The following CSMD1 variants were observed in gnomAD, a reference collection of about 807,000 sequenced individuals.
CSMD1 encodes the protein CUB and Sushi multiple domains 1.
A neutral mutation model predicts 417.5 loss-of-function variants in CSMD1; 213 were observed. The ratio of observed to expected loss-of-function variants is 0.51; its 90% CI spans 0.46 to 0.57. The LOEUF is 0.57. Among genes scored for constraint, CSMD1 ranks in the 20% least tolerant of loss-of-function variants. The pLI is 0.00. For missense variants in CSMD1, 6,923 were observed against 4,529.7 expected (o/e 1.53, Z -15.17); for synonymous variants, 2,862 against 1,736.8 (o/e 1.65, Z -16.11).
At chr8:4,435,587 T>C (rs1798104741) in intron 2 of CSMD1, among the ~76,000 whole-genome samples, 1 of 152,174 alleles carries the variant, frequency 6.6e-6, no homozygotes, top group Admixed American at 6.5e-5. Context: ...CCAGGAATCA[T>C]GGAATCTGCT....
rs1403118496 is a variant in CSMD1 at position 3,396,276 on chromosome 8, G to A, written c.2511C>T (p.Leu837=). The A allele has an allele frequency of 1.3e-6, 2 of 1,597,602 alleles. No homozygotes were observed. Among genetic ancestry groups the A allele is most frequent in the African/African-American group, 2.7e-5 (2 of 74,836 alleles). ...EYHGTQAPQF[L]ISTGNFMYLL... is the part of the protein sequence containing the mutation. ...GGTACATGAAGTTCCCGGTGCTGAT[G>A]AGGAACTGGGGTGCCTGGGTGCCGT... The change falls in exon 17 of 70, where the codon CTC becomes CTT. Residue 837 remains leucine (L), a synonymous_variant. Transcript: ENST00000635120.
intron 49 of CSMD1, among the ~76,000 whole-genome samples, chr8:3,081,698 C>T (rs1025934731): frequency 6.6e-6 from 1 of 152,074 alleles, no homozygotes; most frequent in African/African-American, 2.4e-5. Context: ...GGTAGAGCTG[C>T]CTAGTTTGAA....
chr8:3,618,112 C>G (rs1035706236), intron 7 of CSMD1, among the ~76,000 whole-genome samples: 1 of 152,036 alleles, frequency 6.6e-6, no homozygotes, highest in African/African-American at 2.4e-5. Flanking sequence ...AGCGATACTC[C>G]CGTCTCAGCC....
intron 3 of CSMD1, among the ~76,000 whole-genome samples, chr8:4,040,604 T>C (rs895653758): frequency 7.2e-5 from 11 of 152,118 alleles, no homozygotes; most frequent in South Asian, 2.1e-4. Flanking sequence ...CATATATGGA[T>C]TGGGGAGACT....
chr8:4,506,894 T>C (rs1302826066), intron 2 of CSMD1, among the ~76,000 whole-genome samples: 2 of 152,200 alleles, frequency 1.3e-5, no homozygotes, highest in African/African-American at 2.4e-5. Context: ...TTAGGGAGCA[T>C]TTAATTTCTG....
At chr8:4,392,834 G>C (rs548109353) in intron 3 of CSMD1, among the ~76,000 whole-genome samples, 2 of 151,768 alleles carry the variant, frequency 1.3e-5, no homozygotes, top group African/African-American at 4.8e-5. Context: ...CGGGTGTGGT[G>C]GCAGGCACCT....
chr8:4,764,527 A>C (rs777505404), intron 1 of CSMD1, among the ~76,000 whole-genome samples: 11 of 152,188 alleles, frequency 7.2e-5, no homozygotes, highest in Non-Finnish European at 1.3e-4. Context: ...TCTTCAAATT[A>C]AGTGTTCTGC....
At chr8:3,245,715 C>G (rs1009451515) in intron 26 of CSMD1, among the ~76,000 whole-genome samples, 2 of 152,200 alleles carry the variant, frequency 1.3e-5, no homozygotes, top group Non-Finnish European at 2.9e-5. Context: ...AAAACCACAG[C>G]TACCACAGAT....
At chr8:3,651,051 G>A (rs1014570359) in intron 7 of CSMD1, among the ~76,000 whole-genome samples, 2 of 152,098 alleles carry the variant, frequency 1.3e-5, no homozygotes, top group African/African-American at 4.8e-5. Context: ...TTACCCACCA[G>A]AATATCCCAT....
At chr8:3,844,432 C>G (rs1003105358) in intron 5 of CSMD1, among the ~76,000 whole-genome samples, 12 of 152,188 alleles carry the variant, frequency 7.9e-5, no homozygotes, top group Non-Finnish European at 1.0e-4. Context: ...AACCTTTACA[C>G]TATGATCCAT....
intron 47 of CSMD1, among the ~76,000 whole-genome samples, chr8:3,095,089 G>T (rs913953936): frequency 2.6e-5 from 4 of 152,086 alleles, no homozygotes; most frequent in Non-Finnish European, 5.9e-5. Flanking sequence ...ATAAATTATT[G>T]ATAAATAATT....
At chr8:3,603,138 G>A (rs78549122) in intron 8 of CSMD1, among the ~76,000 whole-genome samples, 1 of 152,220 alleles carries the variant, frequency 6.6e-6, no homozygotes, top group African/African-American at 2.4e-5. Context: ...GTGTCAATGG[G>A]ATATTATTGT....
intron 3 of CSMD1, among the ~76,000 whole-genome samples, chr8:4,300,083 G>C (rs1053399374): frequency 6.6e-6 from 1 of 152,180 alleles, no homozygotes; most frequent in Admixed American, 6.5e-5. Flanking sequence ...TCTGGATTTA[G>C]GATTTGATTT....
chr8:3,812,414 C>T (rs1585034914), intron 5 of CSMD1, among the ~76,000 whole-genome samples: 1 of 152,026 alleles, frequency 6.6e-6, no homozygotes, highest in Non-Finnish European at 1.5e-5. Context: ...CTGTTGACAC[C>T]TAGATATTAA....
chr8:3,889,717 G>A (rs1000466965), intron 5 of CSMD1, among the ~76,000 whole-genome samples: 5 of 151,404 alleles, frequency 3.3e-5, no homozygotes, highest in Non-Finnish European at 7.4e-5. Context: ...ATTGAGCTAT[G>A]GATTTTGTGA....
intron 3 of CSMD1, among the ~76,000 whole-genome samples, chr8:4,154,515 C>A (rs770552303): frequency 2.7e-4 from 41 of 152,172 alleles, no homozygotes; most frequent in Non-Finnish European, 5.0e-4. Context: ...CAGACAAGAG[C>A]CACTGTGGAG....
chr8:3,535,305 C>T (rs1230299379), intron 10 of CSMD1, among the ~76,000 whole-genome samples: 1 of 152,042 alleles, frequency 6.6e-6, no homozygotes, highest in Non-Finnish European at 1.5e-5. Context: ...AAGCTTTTGG[C>T]CGTACTTTCT....
At chr8:4,177,586 GA>G (rs1336114647) in intron 3 of CSMD1, among the ~76,000 whole-genome samples, 1 of 151,322 alleles carries the variant, frequency 6.6e-6, no homozygotes, top group Non-Finnish European at 1.5e-5. Flanking sequence ...AATCAGAGCA[GA>G]ACTGAAGGAA....
rs541083018 is a variant in CSMD1 at position 4,604,841 on chromosome 8, T to C, written c.302+32501A>G. 1.2e-4 allele frequency among the ~76,000 whole-genome samples: 18 copies of C among 152,358 alleles called. 2 individuals carry two copies. Among genetic ancestry groups the C allele is most frequent in the African/African-American group, 4.3e-4 (18 of 41,586 alleles). On this transcript the variant is annotated intron_variant, in intron 2 of 69. Coordinates refer to ENST00000635120, the MANE Select transcript of CSMD1 (RefSeq NM_033225.6). ...TTTTTCAGCCAAGGATCTGTCAGTA[T>C]AGTACTCTGATAGCAAAAGGTAATT...
Sources: gnomAD v4.1 joint callset for allele counts (sites outside exome capture counted in the v4.1 genomes callset) on GRCh38, gnomAD v4.1.1 for gene constraint, MANE v1.5 for transcripts, NCBI Gene and HGNC (gene_info 2026-07-23, HGNC 2026-07-21) for gene names.